The following SLC12A6 variants were observed in gnomAD, a reference collection of about 807,000 sequenced individuals.
SLC12A6 encodes solute carrier family 12 member 6.
SLC12A6 carries 66 observed loss-of-function variants against 135.3 expected under a neutral mutation model. That is an observed-to-expected ratio of 0.49 (90% CI 0.40 to 0.60). The LOEUF (loss-of-function observed/expected upper bound fraction) is 0.60, where lower values mean the gene tolerates loss of function less well. Among genes scored for constraint, SLC12A6 ranks in the 20% least tolerant of loss-of-function variants. The probability of loss-of-function intolerance (pLI) is 0.00; values close to 1 mark genes in which losing one functional copy is unlikely to be tolerated. For synonymous variants in SLC12A6, 513 were observed against 508.8 expected, an observed-to-expected ratio of 1.01 and a Z score of -0.11; for missense variants, 1,058 against 1,452.3, an observed-to-expected ratio of 0.73 and a Z score of 4.41.
chr15:34,255,017 C>T (rs1417136905), intron 8 of SLC12A6, among the ~76,000 whole-genome samples: 1 of 151,942 alleles, frequency 6.6e-6, no homozygotes, highest in Non-Finnish European at 1.5e-5. Flanking sequence ...TTACTTTTTC[C>T]CCATTGGACT....
chr15:34,256,410 C>A, intron 6 of SLC12A6, 127 bp from the exon 7 acceptor site: 3 of 706,738 alleles, frequency 4.2e-6, no homozygotes, highest in Non-Finnish European at 7.8e-6. Context: ...GACAGTCATA[C>A]CTAATGGTAT....
Position 34,315,975 on chromosome 15 carries a change from GTGACTCATTTTAT to G in SLC12A6, c.271+20422_271+20434del, listed in dbSNP as rs1206478937. ...CAAAACAAAAAAAACAACAATTCAT[GTGACTCATTTTAT>G]TGCAGTGGTCTGGAACTGAGCCCAC... On this transcript the variant is annotated intron_variant, in intron 2 of 25. Coordinates refer to ENST00000354181, the MANE Select transcript of SLC12A6 (RefSeq NM_001365088.1). Among the ~76,000 whole-genome samples, 3 of 152,068 alleles carry G rather than the reference GTGACTCATTTTAT, an allele frequency of 2.0e-5. No individual in the cohort carries two copies. In the East Asian group the frequency reaches 5.8e-4, roughly 29 times the overall value.
At chr15:34,330,586 T>C (rs925920357) in intron 2 of SLC12A6, among the ~76,000 whole-genome samples, 2 of 151,892 alleles carry the variant, frequency 1.3e-5, no homozygotes, top group South Asian at 4.2e-4. Context: ...GAGGACTGCT[T>C]GAGCTCAGAA....
chr15:34,324,751 G>A (rs886145819), intron 2 of SLC12A6, among the ~76,000 whole-genome samples: 6 of 150,906 alleles, frequency 4.0e-5, no homozygotes, highest in Non-Finnish European at 7.4e-5. Context: ...CCCATACTCC[G>A]TACCCTCTCG....
intron 2 of SLC12A6, among the ~76,000 whole-genome samples, chr15:34,285,704 G>C (rs900405177): frequency 9.6e-3 from 6 of 628 alleles, no homozygotes; most frequent in Non-Finnish European, 0.016. Context: ...GTGTGTGTGT[G>C]TGTGTGTGTT....
chr15:34,259,340 CAAA>C (rs1304563877), intron 4 of SLC12A6, among the ~76,000 whole-genome samples: 1 of 111,346 alleles, frequency 9.0e-6, no homozygotes. Context: ...GACTCCATCT[CAAA>C]AAAAAAAAAA....
intron 17 of SLC12A6, 147 bp downstream of exon 17, chr15:34,241,955 T>C (rs997342712): frequency 1.3e-5 from 9 of 672,666 alleles, no homozygotes; most frequent in Non-Finnish European, 2.1e-5. Flanking sequence ...GCTTGCATCA[T>C]TAAGATGGTT....
chr15:34,236,624 G>A (rs564098996), intron 23 of SLC12A6, 84 bp downstream of exon 23: 2 of 898,168 alleles, frequency 2.2e-6, no homozygotes, highest in East Asian at 4.9e-5. Flanking sequence ...TTACAGGCGT[G>A]AGCCACCATG....
At chr15:34,335,804 A>C (rs1890158520) in intron 2 of SLC12A6, among the ~76,000 whole-genome samples, 1 of 152,252 alleles carries the variant, frequency 6.6e-6, no homozygotes, top group African/African-American at 2.4e-5. Context: ...TTACATGGGA[A>C]TCAGGCCCTA....
intron 2 of SLC12A6, among the ~76,000 whole-genome samples, chr15:34,333,311 C>G (rs1410377935): frequency 6.6e-6 from 1 of 150,552 alleles, no homozygotes; most frequent in South Asian, 2.1e-4. Context: ...CTCACTGCAA[C>G]CTCCGCCTCC....
At chr15:34,237,394 T>C in intron 22 of SLC12A6, 25 bp downstream of exon 22, 1 of 1,605,740 alleles carries the variant, frequency 6.2e-7, no homozygotes, top group Non-Finnish European at 8.5e-7. Context: ...ATGAACCTCT[T>C]GTATCTCAAA....
chr15:34,332,767 C>G (rs1373901745), intron 2 of SLC12A6, among the ~76,000 whole-genome samples: 1 of 149,616 alleles, frequency 6.7e-6, no homozygotes. Context: ...TGGGCGACAG[C>G]GCGAGACTTT....
rs369228093 is a variant in SLC12A6, at chr15:34,258,795, G to A, written c.543+18C>T. On this transcript the variant is annotated intron_variant, in intron 5 of 25. Transcript: ENST00000354181. ...ACAGGGCTCTTTCTATGTATTCCTT[G>A]TTATTCTGAGGCCTCACCTTGGTGG... The A allele has an allele frequency of 2.2e-5, 35 of 1,605,414 alleles. No homozygotes were observed. In the African/African-American group the frequency reaches 4.4e-4, roughly 20 times the overall value.
chr15:34,249,868 C>A (rs1457798315), intron 13 of SLC12A6, among the ~76,000 whole-genome samples: 2 of 152,134 alleles, frequency 1.3e-5, no homozygotes, highest in African/African-American at 2.4e-5. Context: ...GAACTACATT[C>A]ATATATTTTC....
At chr15:34,271,278 G>A (rs1225428658) in intron 3 of SLC12A6, among the ~76,000 whole-genome samples, 2 of 151,888 alleles carry the variant, frequency 1.3e-5, no homozygotes, top group Non-Finnish European at 2.9e-5. Flanking sequence ...AACTCAACTT[G>A]ATGAGGGGAT....
intron 2 of SLC12A6, among the ~76,000 whole-genome samples, chr15:34,283,662 A>T (rs1329082451): frequency 6.6e-6 from 1 of 152,154 alleles, no homozygotes; most frequent in African/African-American, 2.4e-5. Flanking sequence ...AAAGAGGGTA[A>T]ATTAGGTAGG....
chr15:34,242,101 C>A lies in SLC12A6; in HGVS notation c.2162+1G>T. On this transcript the variant is annotated splice_donor_variant, in intron 17 of 25. Coordinates refer to ENST00000354181, the MANE Select transcript of SLC12A6 (RefSeq NM_001365088.1). LOFTEE classifies it high-confidence loss of function. ...GTGATCAAGATTAAATCCACACTCA[C>A]CCTTGGTATTCAATGTACTTGTAGA... 6.2e-7 allele frequency: 1 copy of A among 1,603,896 alleles called. No individual in the cohort carries two copies. The highest frequency in any genetic ancestry group is 8.5e-7 in the Non-Finnish European group (1 of 1,170,940).
chr15:34,279,886 A>G (rs1001226383), intron 2 of SLC12A6, among the ~76,000 whole-genome samples: 2 of 152,256 alleles, frequency 1.3e-5, no homozygotes, highest in African/African-American at 4.8e-5. Context: ...AGATGAACTG[A>G]AAATATTTCC....
At chr15:34,234,894 T>TGGGTA (rs938016070) in intron 25 of SLC12A6, among the ~76,000 whole-genome samples, 3 of 152,150 alleles carry the variant, frequency 2.0e-5, no homozygotes, top group Non-Finnish European at 4.4e-5. Context: ...CGAAAGGATG[T>TGGGTA]GGGTATGCTG....
Sources: allele counts gnomAD v4.1 joint callset (sites outside exome capture counted in the v4.1 genomes callset), GRCh38; gene constraint gnomAD v4.1.1; transcripts MANE v1.5; gene names NCBI Gene and HGNC (gene_info 2026-07-23, HGNC 2026-07-21).